PSTPIP1: variants seen among roughly 807,000 people sequenced by gnomAD.
PSTPIP1 encodes proline-serine-threonine phosphatase interacting protein 1.
A neutral mutation model predicts 69.6 loss-of-function variants in PSTPIP1; 66 were observed. That is an observed-to-expected ratio of 0.95 (90% CI 0.78 to 1.16). The LOEUF is 1.16. Among genes scored for constraint, PSTPIP1 ranks in the 50% most tolerant of loss-of-function variants. The pLI is 0.00. For synonymous variants in PSTPIP1, 266 were observed against 222.7 expected, an observed-to-expected ratio of 1.19 and a Z score of -1.73; for missense variants, 603 against 557.4, an observed-to-expected ratio of 1.08 and a Z score of -0.82.
chr15:76,995,675 C>T, intron 1 of PSTPIP1, 66 bp downstream of exon 1: 1 of 1,609,932 alleles, frequency 6.2e-7, no homozygotes. Flanking sequence ...AATCTCCATG[C>T]AGGTGATGGG....
At chr15:77,007,094 T>C (rs2075829580) in intron 1 of PSTPIP1, among the ~76,000 whole-genome samples, 2 of 152,028 alleles carry the variant, frequency 1.3e-5, no homozygotes, top group African/African-American at 4.8e-5. Context: ...AGAGGGCCCC[T>C]GGGTTGTGGG....
chr15:77,020,151 G>A (rs1421158401), intron 3 of PSTPIP1, among the ~76,000 whole-genome samples: 1 of 152,204 alleles, frequency 6.6e-6, no homozygotes, highest in Non-Finnish European at 1.5e-5. Flanking sequence ...GTGGGGAGCA[G>A]GGTGGGCCTC....
intron 1 of PSTPIP1, chr15:77,007,821 C>T (rs1233454735): frequency 2.3e-6 from 1 of 441,756 alleles, no homozygotes; most frequent in Admixed American, 2.5e-5. Context: ...GTCTCGATCT[C>T]CTGACCTCGT....
intron 1 of PSTPIP1, among the ~76,000 whole-genome samples, chr15:77,013,402 TC>T (rs1354820099): frequency 1.3e-5 from 2 of 152,110 alleles, no homozygotes; most frequent in African/African-American, 4.8e-5. Flanking sequence ...CTCTGGGGTC[TC>T]CATGGGGGGG....
At chr15:77,015,705 A>G (rs1415675387) in intron 1 of PSTPIP1, 1 of 351,404 alleles carries the variant, frequency 2.8e-6, no homozygotes, top group South Asian at 2.1e-5. Context: ...AGTCAGACCC[A>G]TGCCCTCGAG....
At chr15:77,032,432 C>T (rs1463553723) in intron 11 of PSTPIP1, 38 bp downstream of exon 11, 1 of 1,600,490 alleles carries the variant, frequency 6.2e-7, no homozygotes, top group East Asian at 2.2e-5. Context: ...CCTCTAGGTG[C>T]ATTGAGCCCC....
rs748059282 is a variant in PSTPIP1 at position 77,035,503 on chromosome 15, C to T, written c.930-5C>T. 5 of 1,588,384 alleles carry T rather than the reference C, an allele frequency of 3.1e-6. No homozygotes were observed. Among genetic ancestry groups the T allele is most frequent in the South Asian group, 1.1e-5 (1 of 87,330 alleles). On this transcript the variant is annotated splice_region_variant and splice_polypyrimidine_tract_variant and intron_variant, in intron 12 of 14. Transcript: ENST00000558012. ...ACACTCACCCTCTTTCCTCCCTGTT[C>T]CCAGGTTCTCTGGACTGCTGCACGG...
chr15:77,027,992 C>A lies in PSTPIP1; in HGVS notation c.417+78C>A. 7.6e-7 allele frequency: 1 copy of A among 1,314,918 alleles called. No homozygotes were observed. The allele number at this position is 1,314,918 out of a possible 1,614,324, so 81.5% of individuals were successfully genotyped here. A position where few individuals can be genotyped will look rare whatever the true frequency, so the allele number is the denominator to read the frequency against. On this transcript the variant is annotated intron_variant, in intron 6 of 14. Coordinates refer to ENST00000558012, the MANE Select transcript of PSTPIP1 (RefSeq NM_003978.5). This position sits in a 1 kb window ranked among gnomAD's most constrained non-coding sequence, Gnocchi z 4.3. The stretch of plus-strand genomic sequence containing the variant: ...TCAGGGTGCGATCCTGGGCTGTGGC[C>A]CCGGGCAGGGCATTTGGAACAGGCT...
intron 1 of PSTPIP1, among the ~76,000 whole-genome samples, chr15:77,002,871 C>T (rs2075738808): frequency 6.6e-6 from 1 of 152,130 alleles, no homozygotes; most frequent in African/African-American, 2.4e-5. Context: ...CTAGGGCAGC[C>T]CCTGGGATGG....
In PSTPIP1 at chr15:77,027,705, G is replaced by A. The variant is rs573364556; in HGVS notation, c.355-147G>A. On this transcript the variant is annotated intron_variant, in intron 5 of 14. Coordinates refer to ENST00000558012, the MANE Select transcript of PSTPIP1 (RefSeq NM_003978.5). This position sits in a 1 kb window ranked among gnomAD's most constrained non-coding sequence, Gnocchi z 4.3. ...TTGTGAGGGTCACTGTGAAGCAGCA[G>A]GCTCTGGGGGAGGGAGGGCAGCCTG... The A allele has an allele frequency of 1.6e-4, 141 of 869,172 alleles. No homozygotes were observed. The highest frequency in any genetic ancestry group is 2.5e-4 in the Non-Finnish European group (134 of 532,210). 53.8% of individuals were successfully genotyped at this position (869,172 alleles called of 1,614,324 possible).
chr15:77,032,348 C>A lies in PSTPIP1; in HGVS notation c.792C>A (p.Asp264Glu). The A allele has an allele frequency of 1.2e-6, 2 of 1,612,668 alleles. No homozygotes were observed. Among genetic ancestry groups the A allele is most frequent in the Non-Finnish European group, 1.7e-6 (2 of 1,179,772 alleles). Residue 264 changes from aspartate to glutamate, a missense_variant, in exon 11 of 15, where the codon GAC (aspartate) becomes GAA (glutamate). Physicochemically the swap from Asp to Glu is conservative, Grantham distance 45 (BLOSUM62 2). Transcript: ENST00000558012. ...LTLEGCSIDA[D>E]IDSFIQAKST... Reference sequence around the variant, plus strand: ...TGGAAGGCTGCAGCATAGACGCCGACATCGACAGTTTCATCCAGGCCAAGA... The same window carrying A: ...TGGAAGGCTGCAGCATAGACGCCGAAATCGACAGTTTCATCCAGGCCAAGA...
chr15:77,031,682 C>T (rs1354197063), intron 10 of PSTPIP1: 1 of 198,528 alleles, frequency 5.0e-6, no homozygotes, highest in Non-Finnish European at 1.0e-5. Context: ...CTGCTCCCCA[C>T]ATCTCCAGGG....
intron 3 of PSTPIP1, among the ~76,000 whole-genome samples, chr15:77,019,738 G>A (rs925930906): frequency 6.6e-6 from 1 of 152,230 alleles, no homozygotes; most frequent in African/African-American, 2.4e-5. Flanking sequence ...GGCCTCCCAA[G>A]GGAAGGGCTG....
rs746522552 is a variant in PSTPIP1, at chr15:77,025,274, T to C, written c.213-10T>C. On this transcript the variant is annotated splice_polypyrimidine_tract_variant and intron_variant, in intron 3 of 14. Coordinates refer to ENST00000558012, the MANE Select transcript of PSTPIP1 (RefSeq NM_003978.5). The stretch of plus-strand genomic sequence containing the variant: ...CTCCTCCTCCTGACCTGGACCCATC[T>C]GTTTTGCAGCTCCCTGAGGGCCTCC... 2.5e-6 allele frequency: 4 copies of C among 1,607,782 alleles called. No homozygotes were observed. The highest frequency in any genetic ancestry group is 2.7e-5 in the African/African-American group (2 of 74,790).
Position 77,025,618 on chromosome 15 carries a change from A to AG in PSTPIP1, c.354+19dup. On this transcript the variant is annotated intron_variant, in intron 5 of 14. Transcript: ENST00000558012. ...CAGAGGAAGAAGGTGAGGCAGGTGCAGGGGGCGGGGGAGCTGCTCCCCCAT... is the reference window on the plus strand; with the variant it reads ...CAGAGGAAGAAGGTGAGGCAGGTGCAGGGGGGCGGGGGAGCTGCTCCCCCAT... 4.0e-6 allele frequency: 6 copies of AG among 1,487,082 alleles called. No individual in the cohort carries two copies. Among genetic ancestry groups the AG allele is most frequent in the Non-Finnish European group, 4.5e-6 (5 of 1,103,984 alleles). 92.1% of individuals were successfully genotyped at this position (1,487,082 alleles called of 1,614,324 possible).
intron 3 of PSTPIP1, among the ~76,000 whole-genome samples, chr15:77,020,777 C>A (rs1282079930): frequency 6.6e-6 from 1 of 152,032 alleles, no homozygotes; most frequent in Non-Finnish European, 1.5e-5. Context: ...TGGCTTAGAC[C>A]CAATTACCCC....
intron 12 of PSTPIP1, among the ~76,000 whole-genome samples, chr15:77,033,237 G>A (rs566589576): frequency 2.0e-5 from 3 of 152,322 alleles, no homozygotes; most frequent in African/African-American, 7.2e-5. Flanking sequence ...CCTTGTCCCT[G>A]GGGCCTCATG....
intron 12 of PSTPIP1, among the ~76,000 whole-genome samples, chr15:77,035,198 A>G (rs1015336951): frequency 2.6e-5 from 4 of 152,176 alleles, no homozygotes; most frequent in Admixed American, 6.5e-5. Context: ...GAGTCTTCCA[A>G]TGAAGCTACA....
At chr15:77,031,775 C>T (rs1244410553) in intron 10 of PSTPIP1, 1 of 178,018 alleles carries the variant, frequency 5.6e-6, no homozygotes, top group Non-Finnish European at 1.2e-5. Context: ...TCCCTGAGCT[C>T]TGTGGATGGA....
Sources: allele counts gnomAD v4.1 joint callset (sites outside exome capture counted in the v4.1 genomes callset), GRCh38; gene constraint gnomAD v4.1.1; non-coding constraint Gnocchi (gnomAD v3.1); transcripts MANE v1.5; gene names NCBI Gene and HGNC (gene_info 2026-07-23, HGNC 2026-07-21).